Variants in KCNIP1 observed in about 807,000 individuals in gnomAD.
KCNIP1 encodes potassium voltage-gated channel interacting protein 1.
In KCNIP1, 18 loss-of-function variants were observed where a neutral mutation model predicts 33.0. The ratio of observed to expected loss-of-function variants is 0.55; its 90% CI spans 0.38 to 0.81. The LOEUF is 0.81. Among genes scored for constraint, KCNIP1 ranks in the 30% least tolerant of loss-of-function variants. The pLI is 0.00. For missense variants in KCNIP1, 238 were observed against 271.6 expected (o/e 0.88, Z 0.87); for synonymous variants, 93 against 98.3 (o/e 0.95, Z 0.32).
chr5:170,419,013 C>T (rs895830713), intron 1 of KCNIP1, among the ~76,000 whole-genome samples: 3 of 152,240 alleles, frequency 2.0e-5, no homozygotes, highest in African/African-American at 7.2e-5. Flanking sequence ...TCTTATATGT[C>T]TCTGTATCCC....
intron 1 of KCNIP1, among the ~76,000 whole-genome samples, chr5:170,663,872 C>A (rs1017504427): frequency 2.0e-5 from 3 of 151,822 alleles, no homozygotes; most frequent in African/African-American, 4.8e-5. Context: ...TCACTCCTGC[C>A]CCCTCCTCCA....
intron 1 of KCNIP1, among the ~76,000 whole-genome samples, chr5:170,619,195 A>G (rs1759512581): frequency 6.6e-6 from 1 of 152,218 alleles, no homozygotes; most frequent in African/African-American, 2.4e-5. Context: ...ATCCTTCAGA[A>G]CACAGATGGC....
intron 1 of KCNIP1, among the ~76,000 whole-genome samples, chr5:170,611,890 G>A (rs1486086502): frequency 6.6e-6 from 1 of 152,190 alleles, no homozygotes; most frequent in Non-Finnish European, 1.5e-5. Context: ...TGGAAGGGAG[G>A]ATTTGTTCAT....
intron 1 of KCNIP1, among the ~76,000 whole-genome samples, chr5:170,456,957 C>G (rs1040540271): frequency 6.6e-6 from 1 of 151,962 alleles, no homozygotes; most frequent in Non-Finnish European, 1.5e-5. Flanking sequence ...TAGGCTCAAG[C>G]GATCCTCCTG....
chr5:170,390,538 A>ATTTT (rs1308591694), intron 1 of KCNIP1, among the ~76,000 whole-genome samples: 33 of 131,256 alleles, frequency 2.5e-4, no homozygotes, highest in African/African-American at 9.2e-4. Context: ...ATATATATAT[A>ATTTT]TTTTCAACAA....
intron 1 of KCNIP1, among the ~76,000 whole-genome samples, chr5:170,518,019 G>A (rs1008839524): frequency 1.3e-5 from 2 of 151,912 alleles, no homozygotes; most frequent in Non-Finnish European, 1.5e-5. Context: ...GGTGACGATA[G>A]TGATGGTGGT....
intron 1 of KCNIP1, among the ~76,000 whole-genome samples, chr5:170,451,814 A>AC (rs1756261897): frequency 6.8e-6 from 1 of 146,376 alleles, no homozygotes. Flanking sequence ...GGTGTCCGTG[A>AC]CTGGGCATGT....
chr5:170,714,774 G>T (rs1763587799), intron 1 of KCNIP1, among the ~76,000 whole-genome samples: 1 of 151,962 alleles, frequency 6.6e-6, no homozygotes, highest in Non-Finnish European at 1.5e-5. Context: ...TTTTTGTACA[G>T]CTAGGCAGTG....
In KCNIP1 at chr5:170,589,718, G is replaced by GTGTGA. The variant is rs200076934; in HGVS notation, c.61+85090_61+85094dup. On this transcript the variant is annotated intron_variant, in intron 1 of 7. Coordinates refer to ENST00000328939, the MANE Select transcript of KCNIP1 (RefSeq NM_014592.4). ...AATTGTTTCTGTTTGGTTTGGTGTG[G>GTGTGA]TGTGATGTGGTGTGGTGTGGTGTGG... is the stretch of plus-strand genomic sequence containing the variant. Among the ~76,000 whole-genome samples, 9 of 108,344 alleles carry GTGTGA rather than the reference G, an allele frequency of 8.3e-5. No homozygotes were observed. The South Asian group carries it at 3.0e-3, about 36-fold the overall frequency. The allele number at this position is 108,344 out of a possible 152,430, so 71.1% of individuals were successfully genotyped here.
chr5:170,383,139 T>G (rs1469381515), intron 1 of KCNIP1: 1 of 168,538 alleles, frequency 5.9e-6, no homozygotes, highest in Non-Finnish European at 1.3e-5. Context: ...AGGGGGAGGG[T>G]GGGATGTTGG....
At chr5:170,443,619 A>AT (rs1561628621) in intron 1 of KCNIP1, among the ~76,000 whole-genome samples, 1 of 152,212 alleles carries the variant, frequency 6.6e-6, no homozygotes, top group Non-Finnish European at 1.5e-5. Flanking sequence ...GTTGTAATAG[A>AT]TTGAGTTCCT....
chr5:170,451,382 A>G (rs1322981946), intron 1 of KCNIP1, among the ~76,000 whole-genome samples: 1 of 152,032 alleles, frequency 6.6e-6, no homozygotes, highest in East Asian at 1.9e-4. Flanking sequence ...AACCCTCCCT[A>G]GTCACTTAAC....
At chr5:170,598,399 C>T (rs1273928355) in intron 1 of KCNIP1, among the ~76,000 whole-genome samples, 1 of 152,170 alleles carries the variant, frequency 6.6e-6, no homozygotes, top group Non-Finnish European at 1.5e-5. Flanking sequence ...GGTGAATGCC[C>T]ACCTTGAGCT....
chr5:170,434,674 G>A (rs766637770), intron 1 of KCNIP1, among the ~76,000 whole-genome samples: 1 of 152,202 alleles, frequency 6.6e-6, no homozygotes, highest in Non-Finnish European at 1.5e-5. Flanking sequence ...ACAAGATGGG[G>A]CCTGGTGCGC....
intron 1 of KCNIP1, among the ~76,000 whole-genome samples, chr5:170,703,944 C>T (rs1763178481): frequency 7.2e-6 from 1 of 138,068 alleles, no homozygotes; most frequent in African/African-American, 2.7e-5. Context: ...GCCTACCCCA[C>T]CCTTGAATAT....
intron 1 of KCNIP1, among the ~76,000 whole-genome samples, chr5:170,387,801 G>A (rs907541486): frequency 4.6e-5 from 7 of 152,212 alleles, no homozygotes; most frequent in African/African-American, 1.7e-4. Flanking sequence ...TCACCTGGAG[G>A]TAAGCTAAAA....
chr5:170,470,138 G>C (rs916333519), intron 1 of KCNIP1, among the ~76,000 whole-genome samples: 1 of 152,026 alleles, frequency 6.6e-6, no homozygotes, highest in Admixed American at 6.6e-5. Context: ...GCTCATTCAG[G>C]CCTCTGCACT....
intron 1 of KCNIP1, among the ~76,000 whole-genome samples, chr5:170,465,413 T>C (rs1756587505): frequency 6.6e-6 from 1 of 152,334 alleles, no homozygotes; most frequent in East Asian, 1.9e-4. Context: ...TTTTCCAAGC[T>C]GTTATTGCTC....
intron 1 of KCNIP1, among the ~76,000 whole-genome samples, chr5:170,358,261 G>A (rs569654170): frequency 6.6e-6 from 1 of 152,316 alleles, no homozygotes; most frequent in South Asian, 2.1e-4. Flanking sequence ...CCACCCATGA[G>A]GCTGCGGGGG....
Sources: gnomAD v4.1 joint callset for allele counts (sites outside exome capture counted in the v4.1 genomes callset) on GRCh38, gnomAD v4.1.1 for gene constraint, MANE v1.5 for transcripts, NCBI Gene and HGNC (gene_info 2026-07-23, HGNC 2026-07-21) for gene names.